The following MYOZ2 variants were observed in gnomAD, a reference collection of about 807,000 sequenced individuals.
MYOZ2 encodes myozenin-2.
In MYOZ2, 19 loss-of-function variants were observed where a neutral mutation model predicts 25.4. The observed-to-expected ratio is 0.75, with a 90% CI of 0.52 to 1.10. The LOEUF (loss-of-function observed/expected upper bound fraction) is 1.10. MYOZ2 is among the 50% of genes least tolerant of loss of function. The pLI, the probability that MYOZ2 is intolerant of heterozygous loss-of-function variation, is 0.00. For missense variants in MYOZ2, 270 were observed against 317.9 expected (o/e 0.85, Z 1.15); for synonymous variants, 92 against 106.9 (o/e 0.86, Z 0.86).
chr4:119,181,835 A>G, intron 5 of MYOZ2, among the ~76,000 whole-genome samples: 1 of 152,246 alleles, frequency 6.6e-6, no homozygotes, highest in East Asian at 1.9e-4. Flanking sequence ...CAAATTTGGA[A>G]TCTGATTTAA....
In MYOZ2 at chr4:119,164,467, A is replaced by C. The variant is rs960109113; in HGVS notation, c.560+73A>C. 25 of 1,496,980 alleles carry C rather than the reference A, an allele frequency of 1.7e-5. No homozygotes were observed. In the Admixed American group the frequency reaches 2.9e-4, roughly 17 times the overall value. The allele number at this position is 1,496,980 out of a possible 1,614,324, so 92.7% of individuals were successfully genotyped here. On this transcript the variant is annotated intron_variant, in intron 5 of 5. Transcript: ENST00000307128. The stretch of plus-strand genomic sequence containing the variant: ...TTTTTCATCATGGTACAGATAACTG[A>C]ATTCCCTGGTAGAAAGCAATTTTTT...
At chr4:119,181,700 T>C (rs762763735) in intron 5 of MYOZ2, among the ~76,000 whole-genome samples, 5 of 152,202 alleles carry the variant, frequency 3.3e-5, no homozygotes, top group Non-Finnish European at 7.3e-5. Flanking sequence ...AGGTGGAATT[T>C]GGAGGCTATC....
Position 119,137,291 on chromosome 4 carries a change from AATGCTTTATAAC to A in MYOZ2, c.76+691_76+702del, listed in dbSNP as rs1578721039. ...ATTCTAGCAACTAACTTGAGAAAGC[AATGCTTTATAAC>A]TTGCATTTTGATTCTTATAAAGGAA... On this transcript the variant is annotated intron_variant, in intron 2 of 5. Transcript: ENST00000307128. Among the ~76,000 whole-genome samples the A allele has an allele frequency of 8.5e-5, 13 of 152,272 alleles. No individual in the cohort carries two copies. The South Asian group carries it at 2.7e-3, about 32-fold the overall frequency.
chr4:119,160,340 G>A (rs1172972435), intron 4 of MYOZ2, among the ~76,000 whole-genome samples: 1 of 151,100 alleles, frequency 6.6e-6, no homozygotes, highest in East Asian at 1.9e-4. Context: ...TTATTAAATA[G>A]GAAAGAGAGA....
intron 5 of MYOZ2, among the ~76,000 whole-genome samples, chr4:119,168,557 T>G (rs1741877862): frequency 6.6e-6 from 1 of 152,042 alleles, no homozygotes. Flanking sequence ...ATGGTTAACT[T>G]TAAGGGGTTC....
rs145688699 is a variant in MYOZ2, at chr4:119,136,564, G to A, written c.39G>A (p.Gln13=). The A allele has an allele frequency of 4.2e-5, 67 of 1,613,600 alleles. No homozygotes were observed. The African/African-American group carries it at 8.5e-4, about 21-fold the overall frequency. Residue 13 remains glutamine (Q), a synonymous_variant, in exon 2 of 6, where the codon CAG becomes CAA. Coordinates refer to ENST00000307128, the MANE Select transcript of MYOZ2 (RefSeq NM_016599.5). ...SHNTMMKQRK[Q]QATAIMKEVH... ...ATACTATGATGAAGCAGAGAAAACA[G>A]CAAGCAACAGCCATCATGAAGGAAG...
At chr4:119,142,168 A>G (rs985897189) in intron 2 of MYOZ2, among the ~76,000 whole-genome samples, 3 of 152,200 alleles carry the variant, frequency 2.0e-5, no homozygotes, top group African/African-American at 4.8e-5. Context: ...TGTGGTATAA[A>G]TGCTTCCACC....
chr4:119,167,452 A>C (rs1420783636), intron 5 of MYOZ2, among the ~76,000 whole-genome samples: 2 of 150,696 alleles, frequency 1.3e-5, no homozygotes, highest in East Asian at 1.9e-4. Flanking sequence ...CCATCTTCTT[A>C]ACTTTTATAG....
chr4:119,186,183 G>A lies in MYOZ2; in HGVS notation c.778G>A (p.Glu260Lys). The A allele has an allele frequency of 6.2e-7, 1 of 1,611,654 alleles. No individual in the cohort carries two copies. Among genetic ancestry groups the A allele is most frequent in the Non-Finnish European group, 8.5e-7 (1 of 1,177,898 alleles). ...ACCTACAGATGATACCACTGTACCA[G>A]AATCAGAAGACCTATGAAAAGAAAG... Reference protein sequence around the residue: ...TEPTDDTTVPESEDL With the variant: ...TEPTDDTTVPKSEDL The change falls in exon 6 of 6, where the codon GAA becomes AAA. Residue 260 changes from glutamate (E) to lysine (K), a missense_variant. Coordinates refer to ENST00000307128, the MANE Select transcript of MYOZ2 (RefSeq NM_016599.5).
At chr4:119,149,358 G>T (rs943586920) in intron 2 of MYOZ2, among the ~76,000 whole-genome samples, 4 of 152,216 alleles carry the variant, frequency 2.6e-5, no homozygotes, top group Non-Finnish European at 4.4e-5. Context: ...TGAAATTCTG[G>T]GCTCCCCACA....
chr4:119,176,498 C>G (rs920840780), intron 5 of MYOZ2, among the ~76,000 whole-genome samples: 1 of 152,178 alleles, frequency 6.6e-6, no homozygotes, highest in African/African-American at 2.4e-5. Context: ...ACTGGGATTA[C>G]AGGCATGAGC....
At chr4:119,151,421 A>G (rs1741447737) in intron 3 of MYOZ2, among the ~76,000 whole-genome samples, 1 of 152,170 alleles carries the variant, frequency 6.6e-6, no homozygotes, top group Admixed American at 6.5e-5. Flanking sequence ...GAGGATAAGC[A>G]TTTTATTCAC....
chr4:119,152,121 T>G (rs1414755107), intron 3 of MYOZ2, among the ~76,000 whole-genome samples: 1 of 152,190 alleles, frequency 6.6e-6, no homozygotes, highest in Non-Finnish European at 1.5e-5. Flanking sequence ...TGAGCATTCT[T>G]CAGCCATCCA....
chr4:119,185,414 A>C (rs1272714940), intron 5 of MYOZ2, among the ~76,000 whole-genome samples: 1 of 152,102 alleles, frequency 6.6e-6, no homozygotes, highest in Non-Finnish European at 1.5e-5. Context: ...TCCTGGGTTC[A>C]AGTCATTCTC....
chr4:119,140,873 C>G (rs769552139), intron 2 of MYOZ2, among the ~76,000 whole-genome samples: 12 of 151,666 alleles, frequency 7.9e-5, no homozygotes, highest in Non-Finnish European at 1.5e-4. Flanking sequence ...TATAAAATAG[C>G]CTTAGAACTC....
intron 3 of MYOZ2, among the ~76,000 whole-genome samples, chr4:119,155,182 GTC>G (rs774988530): frequency 1.4e-4 from 21 of 152,162 alleles, no homozygotes; most frequent in Non-Finnish European, 3.1e-4. Context: ...ATGGCACCAA[GTC>G]ATTCATGAGG....
intron 5 of MYOZ2, among the ~76,000 whole-genome samples, chr4:119,174,258 G>C (rs1742006552): frequency 6.6e-6 from 1 of 152,250 alleles, no homozygotes; most frequent in Admixed American, 6.5e-5. Flanking sequence ...CCTGAGTCTG[G>C]TGGGGCCTTG....
chr4:119,183,686 T>C (rs954817885), intron 5 of MYOZ2, among the ~76,000 whole-genome samples: 8 of 152,232 alleles, frequency 5.3e-5, no homozygotes, highest in African/African-American at 1.9e-4. Context: ...CAGCAAATCC[T>C]GTTGACTCTA....
intron 5 of MYOZ2, among the ~76,000 whole-genome samples, chr4:119,179,370 A>G (rs942053201): frequency 6.6e-6 from 1 of 152,198 alleles, no homozygotes; most frequent in South Asian, 2.1e-4. Context: ...CTAAAATGTC[A>G]TCTTACAGAG....
Sources: gnomAD v4.1 joint callset for allele counts (sites outside exome capture counted in the v4.1 genomes callset) on GRCh38, gnomAD v4.1.1 for gene constraint, MANE v1.5 for transcripts, NCBI Gene and HGNC (gene_info 2026-07-23, HGNC 2026-07-21) for gene names.